The following MEIOC variants were observed in gnomAD, a reference collection of about 807,000 sequenced individuals.
The protein encoded by MEIOC is meiosis specific with coiled-coil domain.
A neutral mutation model predicts 85.3 loss-of-function variants in MEIOC; 9 were observed. That is an observed-to-expected ratio of 0.11 (90% CI 0.06 to 0.18). The LOEUF is 0.18. Among genes scored for constraint, MEIOC ranks in the 10% least tolerant of loss-of-function variants. The probability of loss-of-function intolerance (pLI) is 1.00; values close to 1 mark genes in which losing one functional copy is unlikely to be tolerated. For missense variants in MEIOC, 898 were observed against 1,129.4 expected (o/e 0.80, Z 2.94); for synonymous variants, 365 against 393.7 (o/e 0.93, Z 0.86).
chr17:44,666,986 G>A lies in MEIOC; in HGVS notation c.1075G>A (p.Glu359Lys), dbSNP rs865966842. The A allele has an allele frequency of 6.2e-7, 1 of 1,613,340 alleles. No homozygotes were observed. The highest frequency in any genetic ancestry group is 1.6e-4 in the Middle Eastern group (1 of 6,062). The change falls in exon 5 of 8, where the codon GAA becomes AAA. Residue 359 changes from glutamate to lysine, a missense_variant. Coordinates refer to ENST00000409122, the MANE Select transcript of MEIOC (RefSeq NM_001145080.3). ...DSKKLANGTPETPTVEADTYT... is the reference protein window; with the variant it reads ...DSKKLANGTPKTPTVEADTYT... ...CAAAAAATTAGCCAATGGCACACCT[G>A]AAACACCAACTGTAGAAGCAGACAC...
intron 6 of MEIOC, chr17:44,670,954 C>G (rs1033322247): frequency 6.6e-6 from 1 of 151,996 alleles, no homozygotes; most frequent in African/African-American, 2.4e-5. Flanking sequence ...ATTTTCTAAG[C>G]AACTTAGGGT....
At chr17:44,669,118 G>A (rs1002001237) in intron 5 of MEIOC, among the ~76,000 whole-genome samples, 22 of 151,748 alleles carry the variant, frequency 1.4e-4, no homozygotes, top group African/African-American at 3.9e-4. Context: ...CAGGAGAATC[G>A]CTTGAACCCG....
intron 6 of MEIOC, among the ~76,000 whole-genome samples, chr17:44,672,425 A>G (rs1972026697): frequency 6.6e-6 from 1 of 152,168 alleles, no homozygotes; most frequent in Admixed American, 6.5e-5. Flanking sequence ...TGAGAGGAAA[A>G]TATTTAACAT....
chr17:44,660,228 AT>A (rs948590360), intron 2 of MEIOC, among the ~76,000 whole-genome samples: 76 of 151,626 alleles, frequency 5.0e-4, no homozygotes, highest in African/African-American at 1.8e-3. Context: ...TTTTTATTTT[AT>A]TTTATTTTAT....
At chr17:44,664,646 A>G (rs1971882835) in intron 3 of MEIOC, among the ~76,000 whole-genome samples, 1 of 152,218 alleles carries the variant, frequency 6.6e-6, no homozygotes, top group South Asian at 2.1e-4. Context: ...AGCATTTTGG[A>G]TAAGGAATAC....
In MEIOC at chr17:44,668,154, G is replaced by T; in HGVS notation, c.2243G>T (p.Ser748Ile). ...FGFQRPIKTR[S>I]GPASELHIRL... ...TTTCAAAGACCAATTAAAACCCGTA[G>T]TGGACCAGCCAGTGAACTTCATATT... Residue 748 changes from serine to isoleucine, a missense_variant, in exon 5 of 8, where the codon AGT becomes ATT. Transcript: ENST00000409122. The T allele has an allele frequency of 6.2e-7, 1 of 1,613,982 alleles. No homozygotes were observed. The highest frequency in any genetic ancestry group is 8.5e-7 in the Non-Finnish European group (1 of 1,179,900).
chr17:44,663,670 TC>T (rs1340464814), intron 3 of MEIOC, among the ~76,000 whole-genome samples: 1 of 152,074 alleles, frequency 6.6e-6, no homozygotes. Context: ...CTTAACCTTC[TC>T]CCCCCGCCAC....
Position 44,675,512 on chromosome 17 carries a change from T to TAA in MEIOC, c.*1326_*1327dup, listed in dbSNP as rs928730787. On this transcript the variant is annotated 3_prime_UTR_variant, in exon 8 of 8. Transcript: ENST00000409122. ...TTCTTAGTTTTAGAAATTCTGGTAT[T>TAA]AAAAAAAAAAAGAGTGTAATCATAC... is the stretch of plus-strand genomic sequence containing the variant. 11 of 748,544 alleles carry TAA rather than the reference T, an allele frequency of 1.5e-5. No homozygotes were observed. Among genetic ancestry groups the TAA allele is most frequent in the Non-Finnish European group, 1.6e-5 (10 of 617,020 alleles). The allele number at this position is 748,544 out of a possible 1,614,324, so 46.4% of individuals were successfully genotyped here.
In MEIOC at chr17:44,666,555, C is replaced by T. The variant is rs769549004; in HGVS notation, c.644C>T (p.Thr215Ile). 30 of 1,609,958 alleles carry T rather than the reference C, an allele frequency of 1.9e-5. No homozygotes were observed. The African/African-American group carries it at 2.0e-4, about 11-fold the overall frequency. Residue 215 changes from threonine (T) to isoleucine (I), a missense_variant, in exon 5 of 8, where the codon ACA (threonine) becomes ATA (isoleucine). Around this residue, in one of 2 missense-constraint regions of MEIOC, gnomAD observed 734 missense variants for 860.1 expected, o/e 0.85. Transcript: ENST00000409122. Reference protein sequence around the residue: ...EKQYLRNSNLTPQQKIDELHH... With the variant: ...EKQYLRNSNLIPQQKIDELHH... ...CAATACCTGCGTAACAGTAATCTCA[C>T]ACCACAACAAAAAATAGATGAACTT...
chr17:44,674,267 A>T lies in MEIOC; in HGVS notation c.*71A>T. 6 of 1,468,938 alleles carry T rather than the reference A, an allele frequency of 4.1e-6. No individual in the cohort carries two copies. The highest frequency in any genetic ancestry group is 3.6e-6 in the Non-Finnish European group (4 of 1,111,356). The allele number at this position is 1,468,938 out of a possible 1,614,324, so 91.0% of individuals were successfully genotyped here. A position where few individuals can be genotyped will look rare whatever the true frequency, so the allele number is the denominator to read the frequency against. On this transcript the variant is annotated 3_prime_UTR_variant, in exon 8 of 8. Transcript: ENST00000409122. ...AGACATGCTAAAAATGTTTTAATGA[A>T]CTTGTCAAACTTTCAGTATGTTTTC...
In MEIOC at chr17:44,675,172, A is replaced by G. The variant is rs8080675; in HGVS notation, c.*976A>G. 2,979 of 985,162 alleles carry G rather than the reference A, an allele frequency of 3.0e-3. 44 individuals are homozygous for G. In the African/African-American group the frequency reaches 0.042, roughly 14 times the overall value. 61.0% of individuals were successfully genotyped at this position (985,162 alleles called of 1,614,324 possible). The stretch of plus-strand genomic sequence containing the variant: ...CATTAGTTTGCTTCTAAGTTCTAAA[A>G]TGTATTTTTTAAAGGTTAATCTCTA... On this transcript the variant is annotated 3_prime_UTR_variant, in exon 8 of 8. Transcript: ENST00000409122.
At chr17:44,656,994 C>T in intron 1 of MEIOC, 133 bp from the exon 2 acceptor site, 2 of 1,057,216 alleles carry the variant, frequency 1.9e-6, no homozygotes, top group Non-Finnish European at 2.6e-6. Context: ...AAGCGCGGGC[C>T]CCCACATTCG....
At chr17:44,672,834 T>G (rs931764370) in intron 6 of MEIOC, among the ~76,000 whole-genome samples, 2 of 152,228 alleles carry the variant, frequency 1.3e-5, no homozygotes, top group African/African-American at 2.4e-5. Flanking sequence ...AATGTAAATT[T>G]AAATCAGTAT....
rs767307622 is a variant in MEIOC, at chr17:44,667,895, G to C, written c.1984G>C (p.Val662Leu). ...GDNSRVNRTQ[V>L]SCFSNNYMMG... The stretch of plus-strand genomic sequence containing the variant: ...CAATAGCCGTGTGAATCGCACACAA[G>C]TGTCATGCTTTTCTAATAATTATAT... Residue 662 changes from valine (V) to leucine (L), a missense_variant, in exon 5 of 8, where the codon GTG (valine) becomes CTG (leucine). By Grantham distance (32) the Val-to-Leu change is conservative (BLOSUM62 1). Coordinates refer to ENST00000409122, the MANE Select transcript of MEIOC (RefSeq NM_001145080.3). 96 of 1,613,814 alleles carry C rather than the reference G, an allele frequency of 5.9e-5. No homozygotes were observed. The highest frequency in any genetic ancestry group is 7.8e-5 in the Non-Finnish European group (92 of 1,179,860).
intron 2 of MEIOC, among the ~76,000 whole-genome samples, chr17:44,658,682 C>G (rs930721294): frequency 6.0e-5 from 9 of 150,454 alleles, no homozygotes; most frequent in African/African-American, 2.2e-4. Flanking sequence ...GTAATCCCAG[C>G]TACTTGGGAG....
chr17:44,665,058 G>C, intron 3 of MEIOC: 3 of 833,254 alleles, frequency 3.6e-6, no homozygotes, highest in Non-Finnish European at 4.3e-6. Context: ...ATGATACCAA[G>C]CATGTCTGTG....
chr17:44,673,542 C>T lies in MEIOC; in HGVS notation c.2634C>T (p.Asp878=). Residue 878 remains aspartate, a synonymous_variant, in exon 7 of 8, where the codon GAC becomes GAT. Coordinates refer to ENST00000409122, the MANE Select transcript of MEIOC (RefSeq NM_001145080.3). ...QRQGVPRCQD[D]RDVFALASAI... is the part of the protein sequence containing the mutation. ...AAGGAGTTCCTAGATGCCAAGATGA[C>T]AGAGGTACAAATATTAATGCATATT... 1 of 1,543,538 alleles carries T rather than the reference C, an allele frequency of 6.5e-7. No individual in the cohort carries two copies. The highest frequency in any genetic ancestry group is 1.4e-5 in the African/African-American group (1 of 72,768).
downstream of MEIOC, among the ~76,000 whole-genome samples, chr17:44,676,494 T>C (rs1972076386): frequency 6.6e-6 from 1 of 152,184 alleles, no homozygotes; most frequent in Non-Finnish European, 1.5e-5. Context: ...GGCCTAAAAC[T>C]CAATCTTACC....
At chr17:44,662,154 T>A (rs1225044207) in intron 2 of MEIOC, among the ~76,000 whole-genome samples, 163 bp from the exon 3 acceptor site, 1 of 152,196 alleles carries the variant, frequency 6.6e-6, no homozygotes, top group Non-Finnish European at 1.5e-5. Flanking sequence ...GCAGAACAAG[T>A]TTGCCAATCC....
Sources: allele counts gnomAD v4.1 joint callset (sites outside exome capture counted in the v4.1 genomes callset), GRCh38; gene constraint gnomAD v4.1.1; regional missense constraint gnomAD v4.1.1; transcripts MANE v1.5; gene names NCBI Gene and HGNC (gene_info 2026-07-23, HGNC 2026-07-21).